The following STAG1 variants were observed in gnomAD, a reference collection of about 807,000 sequenced individuals.
STAG1 encodes the protein cohesin subunit SA-1.
A neutral mutation model predicts 170.9 loss-of-function variants in STAG1; 26 were observed. The observed-to-expected ratio is 0.15, with a 90% confidence interval of 0.11 to 0.21. The LOEUF (loss-of-function observed/expected upper bound fraction) is 0.21, where lower values mean the gene tolerates loss of function less well. STAG1 is among the 10% of genes least tolerant of loss of function. The pLI, the probability that STAG1 is intolerant of heterozygous loss-of-function variation, is 1.00. For missense variants in STAG1, 964 were observed against 1,509.5 expected, an observed-to-expected ratio of 0.64 and a Z score of 5.99; for synonymous variants, 514 against 497.7, an observed-to-expected ratio of 1.03 and a Z score of -0.44.
At chr3:136,412,082 C>T (rs2107712798) in intron 21 of STAG1, among the ~76,000 whole-genome samples, 1 of 152,202 alleles carries the variant, frequency 6.6e-6, no homozygotes, top group Non-Finnish European at 1.5e-5. Context: ...GAAAGGAACT[C>T]CCACTGGCCA....
chr3:136,690,056 CAAAAAAAAAAAA>C (rs57082567), intron 1 of STAG1, among the ~76,000 whole-genome samples: 14 of 56,372 alleles, frequency 2.5e-4, no homozygotes, highest in African/African-American at 9.3e-4. Flanking sequence ...AAAAGCAAAC[CAAAAAAAAAAAA>C]AAAAAAAAAA....
At chr3:136,657,010 C>CAA (rs202078976) in intron 1 of STAG1, among the ~76,000 whole-genome samples, 2 of 140,262 alleles carry the variant, frequency 1.4e-5, no homozygotes, top group East Asian at 4.1e-4. Flanking sequence ...TTATAATAGC[C>CAA]AAAAAAAAAA....
chr3:136,558,962 A>C (rs1436272875), intron 5 of STAG1, among the ~76,000 whole-genome samples: 1 of 152,190 alleles, frequency 6.6e-6, no homozygotes, highest in Non-Finnish European at 1.5e-5. Flanking sequence ...GAACACTGGG[A>C]AACTTTTGCA....
intron 6 of STAG1, among the ~76,000 whole-genome samples, chr3:136,527,031 T>C (rs1401083444): frequency 6.6e-6 from 1 of 152,224 alleles, no homozygotes; most frequent in East Asian, 1.9e-4. Flanking sequence ...TAACATTTTT[T>C]CCTTCATTTC....
chr3:136,521,522 TATAG>T, intron 6 of STAG1, 105 bp from the exon 7 acceptor site: 1 of 906,894 alleles, frequency 1.1e-6, no homozygotes, highest in Non-Finnish European at 1.7e-6. Context: ...GCAAAGCAGT[TATAG>T]AAAGAAATAG....
chr3:136,686,651 T>C (rs955854524), intron 1 of STAG1, among the ~76,000 whole-genome samples: 1 of 152,188 alleles, frequency 6.6e-6, no homozygotes, highest in Non-Finnish European at 1.5e-5. Flanking sequence ...CTCTAATCCA[T>C]GAACCCAATT....
intron 21 of STAG1, among the ~76,000 whole-genome samples, chr3:136,404,453 G>A (rs1038748573): frequency 2.0e-5 from 3 of 152,080 alleles, no homozygotes; most frequent in Admixed American, 2.0e-4. Flanking sequence ...AATACCCCAT[G>A]AAAACTTCGG....
intron 6 of STAG1, among the ~76,000 whole-genome samples, chr3:136,527,089 A>T (rs1440498500): frequency 6.6e-6 from 1 of 152,120 alleles, no homozygotes; most frequent in Non-Finnish European, 1.5e-5. Context: ...GCTCTTCTCA[A>T]GGAGTATCTT....
At chr3:136,424,390 C>T (rs936329974) in intron 16 of STAG1, among the ~76,000 whole-genome samples, 2 of 142,666 alleles carry the variant, frequency 1.4e-5, no homozygotes, top group Non-Finnish European at 3.0e-5. Context: ...AGTGCAATGG[C>T]GCGATATTGG....
At chr3:136,496,977 T>C (rs867884842) in intron 9 of STAG1, among the ~76,000 whole-genome samples, 1 of 152,008 alleles carries the variant, frequency 6.6e-6, no homozygotes, top group African/African-American at 2.4e-5. Context: ...TTTATGCTGA[T>C]AGTTTTTTAA....
chr3:136,623,150 G>C lies in STAG1; in HGVS notation c.128C>G (p.Pro43Arg). Reference sequence around the variant, plus strand: ...GAAGACAAGCATAATACATACTGGAGGCCGGCCAGGACGACCCCTTTTTCT... The same window carrying C: ...GAAGACAAGCATAATACATACTGGACGCCGGCCAGGACGACCCCTTTTTCT... The part of the protein sequence containing the change: ...GKRKRGRPGR[P>R]PSTNKKPRKS... The change falls in exon 3 of 34, where the codon CCT becomes CGT. Residue 43 changes from proline (P) to arginine (R), a missense_variant. Pro to Arg is a moderately radical substitution (Grantham distance 103). This residue lies in a region of STAG1 where 108 missense variants were observed against 120.2 expected (regional missense o/e 0.90). Transcript: ENST00000383202. 6.2e-7 allele frequency: 1 copy of C among 1,612,888 alleles called. No individual in the cohort carries two copies. Among genetic ancestry groups the C allele is most frequent in the Non-Finnish European group, 8.5e-7 (1 of 1,179,288 alleles).
chr3:136,706,492 T>C (rs1216201147), intron 1 of STAG1, among the ~76,000 whole-genome samples: 1 of 152,114 alleles, frequency 6.6e-6, no homozygotes, highest in East Asian at 1.9e-4. Flanking sequence ...AAAATTAAAA[T>C]ATCTAAAAAC....
At chr3:136,565,989 C>T (rs1186652081) in intron 5 of STAG1, among the ~76,000 whole-genome samples, 1 of 152,076 alleles carries the variant, frequency 6.6e-6, no homozygotes, top group East Asian at 1.9e-4. Context: ...TCCTCAGGGA[C>T]AGAAAGTAGA....
intron 14 of STAG1, among the ~76,000 whole-genome samples, chr3:136,445,040 T>TG (rs10676305): frequency 1.3e-5 from 2 of 151,250 alleles, no homozygotes; most frequent in African/African-American, 2.4e-5. Context: ...TTTTTTTTTT[T>TG]GTAGAGACGG....
chr3:136,345,455 G>GTT (rs34593330), intron 29 of STAG1, among the ~76,000 whole-genome samples: 740 of 98,714 alleles, frequency 7.5e-3, no homozygotes, highest in Non-Finnish European at 9.0e-3. Context: ...TTACCTAGTT[G>GTT]TTTTTTTTTT....
Position 136,357,034 on chromosome 3 carries a change from G to A in STAG1, c.3065+686C>T, listed in dbSNP as rs187326552. Reference sequence around the variant, plus strand: ...GCGATCTCGGCTCACTGCAAGCTCCGCCTCCCAGGTTCACGCCATCCTCCT... The same window carrying A: ...GCGATCTCGGCTCACTGCAAGCTCCACCTCCCAGGTTCACGCCATCCTCCT... On this transcript the variant is annotated intron_variant, in intron 28 of 33. Coordinates refer to ENST00000383202, the MANE Select transcript of STAG1 (RefSeq NM_005862.3). Among the ~76,000 whole-genome samples, 128 of 151,744 alleles carry A rather than the reference G, an allele frequency of 8.4e-4. No individual in the cohort carries two copies. In the East Asian group the frequency reaches 0.018, roughly 21 times the overall value.
At chr3:136,372,261 G>A (rs898879641) in intron 23 of STAG1, among the ~76,000 whole-genome samples, 4 of 152,112 alleles carry the variant, frequency 2.6e-5, no homozygotes, top group African/African-American at 9.7e-5. Context: ...GAGACGATGG[G>A]GTTTTCTAAA....
At chr3:136,588,961 C>A (rs1318249227) in intron 4 of STAG1, among the ~76,000 whole-genome samples, 1 of 152,128 alleles carries the variant, frequency 6.6e-6, no homozygotes, top group African/African-American at 2.4e-5. Context: ...AGGGGTTTCA[C>A]TATGTTGGCC....
At chr3:136,344,833 C>T (rs772189908) in intron 29 of STAG1, among the ~76,000 whole-genome samples, 1 of 151,752 alleles carries the variant, frequency 6.6e-6, no homozygotes. Context: ...AGTCTGGTCT[C>T]GAACTCCTGA....
Sources: gnomAD v4.1 joint callset for allele counts (sites outside exome capture counted in the v4.1 genomes callset) on GRCh38, gnomAD v4.1.1 for gene constraint, gnomAD v4.1.1 regional missense constraint, MANE v1.5 for transcripts, NCBI Gene and HGNC (gene_info 2026-07-23, HGNC 2026-07-21) for gene names.